Variants in RABGAP1 observed in about 807,000 individuals in gnomAD.
The protein encoded by RABGAP1 is rab GTPase-activating protein 1.
In RABGAP1, 23 loss-of-function variants were observed where a neutral mutation model predicts 137.6. The observed-to-expected ratio is 0.17, with a 90% CI of 0.12 to 0.24. The LOEUF (loss-of-function observed/expected upper bound fraction) is 0.24. RABGAP1 is among the 10% of genes least tolerant of loss of function. The pLI is 1.00. For missense variants in RABGAP1, 906 were observed against 1,275.8 expected (o/e 0.71, Z 4.42); for synonymous variants, 451 against 450.7 (o/e 1.00, Z -0.01).
chr9:123,022,415 T>C lies in RABGAP1; in HGVS notation c.1794+1956T>C, dbSNP rs950828577. ...CATTAAACTTACAATTTTGTTTTTC[T>C]TTTTGAGACGGAGTCTAGCTCTGTC... On this transcript the variant is annotated intron_variant, in intron 13 of 25. Transcript: ENST00000373647. Among the ~76,000 whole-genome samples, 8 of 152,204 alleles carry C rather than the reference T, an allele frequency of 5.3e-5. No individual in the cohort carries two copies. In the South Asian group the frequency reaches 1.7e-3, roughly 32 times the overall value.
rs116122210 is a variant in RABGAP1, at chr9:123,005,800, A to T, written c.1375-4554A>T. Reference sequence around the variant, plus strand: ...CCTATTAGTATAATCACTGACACATAAGGTGAACGTACATATGCTATTGTT... The same window carrying T: ...CCTATTAGTATAATCACTGACACATTAGGTGAACGTACATATGCTATTGTT... On this transcript the variant is annotated intron_variant, in intron 10 of 25. Coordinates refer to ENST00000373647, the MANE Select transcript of RABGAP1 (RefSeq NM_012197.4). 4.8e-3 allele frequency among the ~76,000 whole-genome samples: 733 copies of T among 152,366 alleles called. 7 individuals carry two copies. The highest frequency in any genetic ancestry group is 0.017 in the African/African-American group (696 of 41,586).
intron 2 of RABGAP1, among the ~76,000 whole-genome samples, chr9:122,958,939 G>T (rs774790753): frequency 6.6e-6 from 1 of 152,106 alleles, no homozygotes; most frequent in African/African-American, 2.4e-5. Flanking sequence ...AGGCCAGGAG[G>T]TGGAGGCTGC....
chr9:123,001,782 T>C (rs1019808302), intron 10 of RABGAP1, among the ~76,000 whole-genome samples: 6 of 152,202 alleles, frequency 3.9e-5, no homozygotes, highest in Admixed American at 1.3e-4. Context: ...TTAAAAACTA[T>C]ACAACATGCT....
chr9:122,994,801 G>T (rs1012756661), intron 6 of RABGAP1, among the ~76,000 whole-genome samples: 5 of 152,146 alleles, frequency 3.3e-5, no homozygotes, highest in Non-Finnish European at 7.4e-5. Flanking sequence ...GTGTGTGGGA[G>T]AACAGGGGAT....
intron 13 of RABGAP1, among the ~76,000 whole-genome samples, chr9:123,064,760 A>G (rs897118728): frequency 6.6e-6 from 1 of 152,228 alleles, no homozygotes; most frequent in African/African-American, 2.4e-5. Flanking sequence ...AGAAGAGGAA[A>G]CAGTTTTTGT....
intron 12 of RABGAP1, among the ~76,000 whole-genome samples, chr9:123,016,482 G>C (rs920236762): frequency 6.6e-6 from 1 of 152,116 alleles, no homozygotes; most frequent in Non-Finnish European, 1.5e-5. Flanking sequence ...ACTCCAGCCT[G>C]GGTGACAGAG....
chr9:123,045,342 T>G (rs1400548922), intron 13 of RABGAP1, among the ~76,000 whole-genome samples: 1 of 152,180 alleles, frequency 6.6e-6, no homozygotes, highest in Non-Finnish European at 1.5e-5. Context: ...CATTTGTGGG[T>G]CTCTTGTCTT....
intron 2 of RABGAP1, among the ~76,000 whole-genome samples, chr9:122,969,348 T>C (rs977691849): frequency 6.6e-6 from 1 of 152,238 alleles, no homozygotes; most frequent in African/African-American, 2.4e-5. Context: ...TTTCTCAGAA[T>C]GTATCCCTGT....
intron 13 of RABGAP1, among the ~76,000 whole-genome samples, chr9:123,043,454 G>C (rs552728805): frequency 1.7e-4 from 26 of 152,030 alleles, no homozygotes; most frequent in African/African-American, 6.3e-4. Context: ...TAGATACATA[G>C]AAAACCAAGG....
At chr9:122,981,439 T>A (rs1836050684) in intron 2 of RABGAP1, among the ~76,000 whole-genome samples, 1 of 152,224 alleles carries the variant, frequency 6.6e-6, no homozygotes, top group Non-Finnish European at 1.5e-5. Context: ...TCATACTCCC[T>A]AGTAATACTG....
rs538355228 is a variant in RABGAP1 at position 122,984,758 on chromosome 9, TG to T, written c.385+40del. ...CATTGCTTGCGTAACTGAAGGTTAT[TG>T]TTTTTAATATGTGAGTGTCCACCCT... On this transcript the variant is annotated intron_variant, in intron 3 of 25. Coordinates refer to ENST00000373647, the MANE Select transcript of RABGAP1 (RefSeq NM_012197.4). 5.3e-4 allele frequency: 833 copies of T among 1,566,788 alleles called. 12 individuals are homozygous for T. Among genetic ancestry groups the T allele is most frequent in the South Asian group, 2.7e-3 (244 of 89,254 alleles).
chr9:122,943,364 C>T (rs928401066), intron 1 of RABGAP1, among the ~76,000 whole-genome samples: 4 of 152,072 alleles, frequency 2.6e-5, no homozygotes, highest in East Asian at 1.9e-4. Flanking sequence ...CCACTGCGCC[C>T]GGCCACACTT....
chr9:123,000,882 A>G (rs542486520), intron 10 of RABGAP1, among the ~76,000 whole-genome samples: 3 of 151,968 alleles, frequency 2.0e-5, no homozygotes, highest in Admixed American at 6.6e-5. Context: ...TTTCAACATA[A>G]TAGTAGCCTA....
At chr9:123,052,998 A>G (rs1369106756) in intron 13 of RABGAP1, among the ~76,000 whole-genome samples, 3 of 152,132 alleles carry the variant, frequency 2.0e-5, no homozygotes, top group African/African-American at 7.2e-5. Flanking sequence ...ATTTATGGAA[A>G]CCCATAAGTC....
At chr9:123,060,379 G>A (rs2033921330) in intron 13 of RABGAP1, among the ~76,000 whole-genome samples, 1 of 152,056 alleles carries the variant, frequency 6.6e-6, no homozygotes, top group African/African-American at 2.4e-5. Context: ...TATTTGTGTT[G>A]TTTCATGTAT....
chr9:123,010,288 C>T (rs1238946056), intron 10 of RABGAP1, 66 bp from the exon 11 acceptor site: 1 of 1,381,044 alleles, frequency 7.2e-7, no homozygotes, highest in Non-Finnish European at 9.8e-7. Context: ...ACATTAAAAA[C>T]ACTGCAATTA....
At chr9:122,950,367 CTTTTTCTTTCTTTTTT>C (rs1834164020) in intron 1 of RABGAP1, among the ~76,000 whole-genome samples, 34 of 60,402 alleles carry the variant, frequency 5.6e-4, no homozygotes, top group Admixed American at 1.9e-3. Context: ...TTTTCTTTTT[CTTTTTCTTTCTTTTTT>C]TTTTTTTTTT....
At chr9:122,933,632 A>G in the RABGAP1 span, among the ~76,000 whole-genome samples, 2 of 150,492 alleles carry the variant, frequency 1.3e-5, no homozygotes, top group African/African-American at 4.9e-5. Flanking sequence ...TTTGTAAATT[A>G]TTATTATTTT....
intron 10 of RABGAP1, among the ~76,000 whole-genome samples, chr9:123,007,269 T>C (rs1373998661): frequency 1.3e-5 from 2 of 151,858 alleles, no homozygotes; most frequent in Non-Finnish European, 2.9e-5. Context: ...CAGATGGGCT[T>C]TCATCATGTT....
Sources: gnomAD v4.1 joint callset for allele counts (sites outside exome capture counted in the v4.1 genomes callset) on GRCh38, gnomAD v4.1.1 for gene constraint, MANE v1.5 for transcripts, NCBI Gene and HGNC (gene_info 2026-07-23, HGNC 2026-07-21) for gene names.